Variants in KCNH8 observed in about 807,000 individuals in gnomAD.
KCNH8 encodes the protein voltage-gated delayed rectifier potassium channel KCNH8.
Under a neutral mutation model 103.6 loss-of-function variants are expected in KCNH8, and 70 were observed. The ratio of observed to expected loss-of-function variants is 0.68; its 90% confidence interval spans 0.56 to 0.82. The LOEUF is 0.82. KCNH8 is among the 40% of genes least tolerant of loss of function. The pLI, the probability that KCNH8 is intolerant of heterozygous loss-of-function variation, is 0.00. For missense variants in KCNH8, 1,217 were observed against 1,329.9 expected (o/e 0.92, Z 1.32); for synonymous variants, 498 against 489.4 (o/e 1.02, Z -0.23).
chr3:19,379,529 G>A (rs1314999205), intron 5 of KCNH8, among the ~76,000 whole-genome samples: 7 of 151,910 alleles, frequency 4.6e-5, no homozygotes, highest in African/African-American at 1.5e-4. Context: ...AGTCCCAGCT[G>A]CTTGGGAGGC....
chr3:19,180,807 A>G (rs1011267460), intron 1 of KCNH8, among the ~76,000 whole-genome samples: 4 of 152,212 alleles, frequency 2.6e-5, no homozygotes, highest in African/African-American at 9.6e-5. Flanking sequence ...GCATATTTTT[A>G]GATGATTACA....
intron 11 of KCNH8, among the ~76,000 whole-genome samples, chr3:19,473,163 G>C (rs913511112): frequency 6.6e-6 from 1 of 152,104 alleles, no homozygotes; most frequent in Non-Finnish European, 1.5e-5. Context: ...TAATACATTT[G>C]TCCACTAACA....
At chr3:19,369,515 G>A (rs1311468854) in intron 5 of KCNH8, among the ~76,000 whole-genome samples, 5 of 151,920 alleles carry the variant, frequency 3.3e-5, no homozygotes, top group African/African-American at 1.2e-4. Flanking sequence ...TCGCCACCTA[G>A]CATTTCAATG....
chr3:19,239,626 G>C (rs1320837079), intron 1 of KCNH8, among the ~76,000 whole-genome samples: 1 of 142,698 alleles, frequency 7.0e-6, no homozygotes, highest in Non-Finnish European at 1.5e-5. Flanking sequence ...GAGGAAAGTA[G>C]AATGATGGAA....
chr3:19,153,029 T>G (rs1312094129), intron 1 of KCNH8, among the ~76,000 whole-genome samples: 1 of 152,208 alleles, frequency 6.6e-6, no homozygotes, highest in Non-Finnish European at 1.5e-5. Flanking sequence ...TCTTTTTATC[T>G]TTTTGCTTTC....
At chr3:19,323,146 T>C (rs1169799606) in intron 3 of KCNH8, among the ~76,000 whole-genome samples, 3 of 152,146 alleles carry the variant, frequency 2.0e-5, no homozygotes, top group South Asian at 2.1e-4. Context: ...GCGTCCATGA[T>C]TGGCTTAATA....
In KCNH8 at chr3:19,347,836, A is replaced by G; in HGVS notation, c.682A>G (p.Ile228Val). 6.2e-7 allele frequency: 1 copy of G among 1,613,348 alleles called. No homozygotes were observed. Among genetic ancestry groups the G allele is most frequent in the Admixed American group, 1.7e-5 (1 of 59,936 alleles). The change falls in exon 5 of 16, where the codon ATT becomes GTT. Residue 228 changes from isoleucine (I) to valine (V), a missense_variant. By Grantham distance (29) the Ile-to-Val change is conservative (BLOSUM62 3). Transcript: ENST00000328405. Reference sequence around the variant, plus strand: ...TTTTAAAGCTGGCTGGGACTGGCTTATTTTGTTGGCAACGTTTTATGTTGC... The same window carrying G: ...TTTTAAAGCTGGCTGGGACTGGCTTGTTTTGTTGGCAACGTTTTATGTTGC... ...STFKAGWDWL[I>V]LLATFYVAVT...
intron 3 of KCNH8, among the ~76,000 whole-genome samples, chr3:19,289,301 C>T (rs958068670): frequency 6.6e-6 from 1 of 152,020 alleles, no homozygotes; most frequent in East Asian, 1.9e-4. Flanking sequence ...AGCCCTTGCC[C>T]ATGCCTATGT....
At chr3:19,286,787 A>C (rs2064838468) in intron 3 of KCNH8, among the ~76,000 whole-genome samples, 1 of 152,212 alleles carries the variant, frequency 6.6e-6, no homozygotes, top group Admixed American at 6.5e-5. Context: ...TGTTTAGTTG[A>C]AATGAAACCA....
chr3:19,396,643 A>T (rs1338083210), intron 7 of KCNH8, among the ~76,000 whole-genome samples: 2 of 152,082 alleles, frequency 1.3e-5, no homozygotes, highest in Non-Finnish European at 2.9e-5. Context: ...GATAAAAATA[A>T]GATCCAATAA....
intron 1 of KCNH8, among the ~76,000 whole-genome samples, chr3:19,173,004 A>G (rs1263154661): frequency 2.0e-5 from 3 of 152,196 alleles, no homozygotes; most frequent in African/African-American, 7.2e-5. Context: ...AGGTTAATTA[A>G]AGGAAAAAAA....
intron 1 of KCNH8, among the ~76,000 whole-genome samples, chr3:19,248,416 G>A (rs2064233303): frequency 1.3e-5 from 2 of 152,284 alleles, no homozygotes; most frequent in Admixed American, 1.3e-4. Context: ...AAATTAGAAA[G>A]TGACATAGAG....
intron 1 of KCNH8, among the ~76,000 whole-genome samples, chr3:19,241,794 C>T (rs1458312857): frequency 1.3e-5 from 2 of 151,894 alleles, no homozygotes; most frequent in Non-Finnish European, 2.9e-5. Flanking sequence ...AGAAAGTATA[C>T]AGTTGAGTGT....
intron 1 of KCNH8, among the ~76,000 whole-genome samples, chr3:19,221,858 T>C (rs907285438): frequency 2.0e-5 from 3 of 151,792 alleles, no homozygotes; most frequent in African/African-American, 2.4e-5. Context: ...TTTTTTTTTT[T>C]CCTTCTTGAG....
intron 1 of KCNH8, among the ~76,000 whole-genome samples, chr3:19,191,165 T>C (rs2063549989): frequency 6.6e-6 from 1 of 151,850 alleles, no homozygotes; most frequent in Non-Finnish European, 1.5e-5. Flanking sequence ...TTCTAGTATA[T>C]GTGTGTACTT....
chr3:19,323,225 A>G (rs1157209632), intron 3 of KCNH8, among the ~76,000 whole-genome samples: 1 of 152,080 alleles, frequency 6.6e-6, no homozygotes, highest in Non-Finnish European at 1.5e-5. Flanking sequence ...TGAGGCAGGC[A>G]GATCACAAGG....
chr3:19,248,991 A>G (rs188823325), intron 1 of KCNH8, among the ~76,000 whole-genome samples: 2 of 152,320 alleles, frequency 1.3e-5, no homozygotes, highest in Admixed American at 6.5e-5. Flanking sequence ...TGCCTAGTGT[A>G]TAAGTACATT....
chr3:19,253,997 T>A, intron 2 of KCNH8, 110 bp downstream of exon 2: 1 of 708,306 alleles, frequency 1.4e-6, no homozygotes, highest in Non-Finnish European at 2.4e-6. Context: ...TTCACATACA[T>A]GCAGGCTGTT....
intron 2 of KCNH8, among the ~76,000 whole-genome samples, chr3:19,274,478 G>A (rs906721046): frequency 1.2e-4 from 18 of 152,052 alleles, no homozygotes; most frequent in African/African-American, 4.1e-4. Flanking sequence ...AACTGTACAT[G>A]GAAACTCCTT....
Sources: gnomAD v4.1 joint callset for allele counts (sites outside exome capture counted in the v4.1 genomes callset) on GRCh38, gnomAD v4.1.1 for gene constraint, MANE v1.5 for transcripts, NCBI Gene and HGNC (gene_info 2026-07-23, HGNC 2026-07-21) for gene names.